The following FKBP5 variants were observed in gnomAD, a reference collection of about 807,000 sequenced individuals.
FKBP5 encodes the protein peptidyl-prolyl cis-trans isomerase FKBP5.
A neutral mutation model predicts 50.5 loss-of-function variants in FKBP5; 23 were observed. That is an observed-to-expected ratio of 0.46 (90% confidence interval 0.33 to 0.65). The LOEUF (loss-of-function observed/expected upper bound fraction) is 0.65. Among genes scored for constraint, FKBP5 ranks in the 30% least tolerant of loss-of-function variants. The pLI is 0.02. For synonymous variants in FKBP5, 176 were observed against 190.6 expected (o/e 0.92, Z 0.63); for missense variants, 411 against 553.1 (o/e 0.74, Z 2.58).
In FKBP5 at chr6:35,661,553, C is replaced by G. The variant is rs745696093; in HGVS notation, c.-19-18710G>C. Among the ~76,000 whole-genome samples, 5 of 81,358 alleles carry G rather than the reference C, an allele frequency of 6.1e-5. 2 individuals carry two copies. The highest frequency in any genetic ancestry group is 7.8e-4 in the East Asian group (2 of 2,578). 53.4% of individuals were successfully genotyped at this position (81,358 alleles called of 152,430 possible). ...TGGGAGGCTGAGGTGGGCAGATCACCTGTGGTCACGAGTTCAAGACTAGCC... is the reference window on the plus strand; with the variant it reads ...TGGGAGGCTGAGGTGGGCAGATCACGTGTGGTCACGAGTTCAAGACTAGCC... On this transcript the variant is annotated intron_variant, in intron 1 of 10. Coordinates refer to ENST00000357266, the MANE Select transcript of FKBP5 (RefSeq NM_004117.4).
intron 5 of FKBP5, among the ~76,000 whole-genome samples, chr6:35,604,211 T>C (rs1581805124): frequency 6.6e-6 from 1 of 151,140 alleles, no homozygotes; most frequent in Non-Finnish European, 1.5e-5. Context: ...GGTCTCACCA[T>C]GTTGCCAGGC....
chr6:35,676,353 A>C (rs552074444), intron 1 of FKBP5, among the ~76,000 whole-genome samples: 58 of 152,340 alleles, frequency 3.8e-4, no homozygotes, highest in African/African-American at 1.1e-3. Flanking sequence ...ACAGCATATA[A>C]ATCAGTTTTT....
At chr6:35,677,490 C>T (rs1022989338) in intron 1 of FKBP5, among the ~76,000 whole-genome samples, 50 of 152,310 alleles carry the variant, frequency 3.3e-4, no homozygotes, top group African/African-American at 1.1e-3. Context: ...CATGAAAACA[C>T]TAGAAAGTCC....
At chr6:35,695,094 G>C (rs916733933) in intron 2 of FKBP5, among the ~76,000 whole-genome samples, 5 of 152,198 alleles carry the variant, frequency 3.3e-5, no homozygotes, top group African/African-American at 1.2e-4. Flanking sequence ...AACGGTGAGA[G>C]AATGGATGCT....
chr6:35,592,904 G>A (rs557504810), intron 6 of FKBP5, among the ~76,000 whole-genome samples: 34 of 152,226 alleles, frequency 2.2e-4, no homozygotes, highest in Non-Finnish European at 3.7e-4. Flanking sequence ...AGTGTCAACA[G>A]TGCTGAGGAT....
At chr6:35,709,061 T>TAA (rs2151021196) in intron 2 of FKBP5, among the ~76,000 whole-genome samples, 1 of 152,332 alleles carries the variant, frequency 6.6e-6, no homozygotes, top group East Asian at 1.9e-4. Flanking sequence ...ACGCTGCTGA[T>TAA]AAAGACATAC....
At chr6:35,715,499 A>G (rs577334963) in intron 2 of FKBP5, among the ~76,000 whole-genome samples, 2 of 152,350 alleles carry the variant, frequency 1.3e-5, no homozygotes, top group African/African-American at 2.4e-5. Context: ...ATGTGTTCCA[A>G]TAGAGACAAA....
upstream of FKBP5, among the ~76,000 whole-genome samples, chr6:35,692,979 A>G (rs1426358958): frequency 1.4e-5 from 2 of 144,666 alleles, no homozygotes; most frequent in Non-Finnish European, 3.0e-5. Flanking sequence ...CAACCTTCTT[A>G]CTTCATCCCT....
intron 1 of FKBP5, among the ~76,000 whole-genome samples, chr6:35,668,546 T>A (rs753655935): frequency 6.6e-6 from 1 of 152,230 alleles, no homozygotes; most frequent in Non-Finnish European, 1.5e-5. Context: ...ATGTGGCCCC[T>A]AAATGTTCTG....
intron 5 of FKBP5, among the ~76,000 whole-genome samples, chr6:35,605,342 G>A (rs1763275243): frequency 7.1e-6 from 1 of 140,272 alleles, no homozygotes; most frequent in Non-Finnish European, 1.5e-5. Context: ...AAGCATCAAA[G>A]GAACATACTT....
intron 8 of FKBP5, 48 bp downstream of exon 8, chr6:35,586,986 T>C (rs770111100): frequency 2.5e-6 from 4 of 1,613,216 alleles, no homozygotes; most frequent in East Asian, 2.2e-5. Context: ...TCACCAACAC[T>C]TGAATAAATT....
At chr6:35,650,507 T>G (rs1415086225) in intron 1 of FKBP5, among the ~76,000 whole-genome samples, 1 of 152,002 alleles carries the variant, frequency 6.6e-6, no homozygotes, top group East Asian at 1.9e-4. Context: ...AGACTCTTGC[T>G]CTGTTGCCCA....
upstream of FKBP5, among the ~76,000 whole-genome samples, chr6:35,693,763 C>T (rs1328372413): frequency 4.6e-5 from 7 of 151,862 alleles, no homozygotes; most frequent in Non-Finnish European, 1.0e-4. Context: ...TCAGGTGATC[C>T]GCCCGCCTCG....
At chr6:35,702,343 T>A (rs1561902432) in intron 2 of FKBP5, among the ~76,000 whole-genome samples, 1 of 143,532 alleles carries the variant, frequency 7.0e-6, no homozygotes, top group African/African-American at 2.7e-5. Flanking sequence ...AACCTTCACA[T>A]GTACCCCGAA....
At chr6:35,697,121 T>C (rs1766093081) in intron 2 of FKBP5, among the ~76,000 whole-genome samples, 1 of 152,204 alleles carries the variant, frequency 6.6e-6, no homozygotes, top group Non-Finnish European at 1.5e-5. Flanking sequence ...CTCAAACAGA[T>C]ACTTGGATAC....
chr6:35,658,206 C>T lies in FKBP5; in HGVS notation c.-19-15363G>A, dbSNP rs867640112. On this transcript the variant is annotated intron_variant, in intron 1 of 10. Transcript: ENST00000357266. ...CCTGGCTAACACGGTGAAACCCCAT[C>T]TCTACTAAAAATCCAAAAATTAACC... is the stretch of plus-strand genomic sequence containing the variant. Among the ~76,000 whole-genome samples the T allele has an allele frequency of 7.2e-5, 11 of 152,162 alleles. No individual in the cohort carries two copies. In the South Asian group the frequency reaches 2.3e-3, roughly 32 times the overall value.
chr6:35,705,966 C>T (rs1300084313), intron 2 of FKBP5, among the ~76,000 whole-genome samples: 7 of 152,024 alleles, frequency 4.6e-5, no homozygotes, highest in Non-Finnish European at 8.8e-5. Flanking sequence ...AAAAATTATC[C>T]AGGTGTGGTG....
intron 5 of FKBP5, among the ~76,000 whole-genome samples, chr6:35,609,115 T>C (rs1475475935): frequency 6.6e-6 from 1 of 152,182 alleles, no homozygotes; most frequent in African/African-American, 2.4e-5. Context: ...ATATTACTTC[T>C]AACATTACAG....
At chr6:35,685,002 A>G (rs953799136) in intron 1 of FKBP5, among the ~76,000 whole-genome samples, 1 of 151,996 alleles carries the variant, frequency 6.6e-6, no homozygotes, top group Non-Finnish European at 1.5e-5. Context: ...GGAAGTCTGC[A>G]GTGAGCCATG....
Sources: allele counts gnomAD v4.1 joint callset (sites outside exome capture counted in the v4.1 genomes callset), GRCh38; gene constraint gnomAD v4.1.1; transcripts MANE v1.5; gene names NCBI Gene and HGNC (gene_info 2026-07-23, HGNC 2026-07-21).